The following THOP1 variants were observed in gnomAD, a reference collection of about 807,000 sequenced individuals.
THOP1 encodes the protein thimet oligopeptidase 1, also known as thimet oligopeptidase.
A neutral mutation model predicts 71.8 loss-of-function variants in THOP1; 49 were observed. The observed-to-expected ratio is 0.68, with a 90% confidence interval of 0.54 to 0.87. The LOEUF is 0.87. Among genes scored for constraint, THOP1 ranks in the 40% least tolerant of loss-of-function variants. The pLI, the probability that THOP1 is intolerant of heterozygous loss-of-function variation, is 0.00. For missense variants in THOP1, 843 were observed against 975.6 expected, an observed-to-expected ratio of 0.86 and a Z score of 1.81; for synonymous variants, 426 against 421.5, an observed-to-expected ratio of 1.01 and a Z score of -0.13.
In THOP1 at chr19:2,813,518, C is replaced by T. The variant is rs1335573184; in HGVS notation, c.*242C>T. ...CAGGGCCTGGTCTTTGTTGCACTAA[C>T]ACGTCTCCTCTCTGGGAAACGTCCC... On this transcript the variant is annotated 3_prime_UTR_variant, in exon 13 of 13. Transcript: ENST00000307741. The T allele has an allele frequency of 8.2e-6, 4 of 487,492 alleles. No individual in the cohort carries two copies. In the South Asian group the frequency reaches 1.6e-4, roughly 20 times the overall value. 30.2% of individuals were successfully genotyped at this position (487,492 alleles called of 1,614,324 possible). A position where few individuals can be genotyped will look rare whatever the true frequency, so the allele number is the denominator to read the frequency against.
chr19:2,808,694 G>A (rs373473698), intron 9 of THOP1, among the ~76,000 whole-genome samples: 3 of 152,216 alleles, frequency 2.0e-5, no homozygotes, highest in South Asian at 2.1e-4. Context: ...GGCTGGAGTC[G>A]GAGGTCACAG....
At chr19:2,807,140 C>T (rs1916313438) in intron 7 of THOP1, 88 bp downstream of exon 7, 1 of 1,446,624 alleles carries the variant, frequency 6.9e-7, no homozygotes, top group Non-Finnish European at 9.2e-7. Context: ...CCCCTAGAGC[C>T]TTGTCCTTTC....
At position 2,794,987 on chromosome 19, in the gene THOP1, C is replaced by A; in HGVS notation, c.378+75C>A. On this transcript the variant is annotated intron_variant, in intron 3 of 12. Transcript: ENST00000307741. ...TACAGGCGCCCGCCACCACACCCGGCTAATTTTTGTATTTTTAGTAGAGAC... is the reference window on the plus strand; with the variant it reads ...TACAGGCGCCCGCCACCACACCCGGATAATTTTTGTATTTTTAGTAGAGAC... 9 of 1,540,938 alleles carry A rather than the reference C, an allele frequency of 5.8e-6. No homozygotes were observed. The South Asian group carries it at 8.0e-5, about 14-fold the overall frequency.
intron 5 of THOP1, among the ~76,000 whole-genome samples, chr19:2,800,237 G>A (rs769630072): frequency 6.6e-5 from 10 of 152,180 alleles, no homozygotes; most frequent in Non-Finnish European, 1.3e-4. Flanking sequence ...CCAGGCTGGA[G>A]TGCAGTGGTG....
intron 12 of THOP1, chr19:2,812,369 G>A (rs955568657): frequency 6.6e-7 from 1 of 1,517,892 alleles, no homozygotes; most frequent in Admixed American, 2.0e-5. Flanking sequence ...TGGGCAGCCT[G>A]CAGGTACCTC....
chr19:2,796,692 C>T (rs940251064), intron 4 of THOP1, among the ~76,000 whole-genome samples: 7 of 151,804 alleles, frequency 4.6e-5, no homozygotes, highest in African/African-American at 9.7e-5. Flanking sequence ...GAGTGCTGGG[C>T]GTGGCCAGTG....
chr19:2,799,884 G>A (rs924971721), intron 5 of THOP1, 93 bp downstream of exon 5: 4 of 1,200,170 alleles, frequency 3.3e-6, no homozygotes, highest in Admixed American at 1.9e-5. Context: ...TCCTCCTGTG[G>A]GCTTCTGTGC....
At position 2,805,827 on chromosome 19, in the gene THOP1, G is replaced by A. The variant is rs1012172016; in HGVS notation, c.750+651G>A. 2.0e-5 allele frequency among the ~76,000 whole-genome samples: 3 copies of A among 150,954 alleles called. No individual in the cohort carries two copies. Among genetic ancestry groups the A allele is most frequent in the Non-Finnish European group, 4.4e-5 (3 of 67,692 alleles). On this transcript the variant is annotated intron_variant, in intron 6 of 12. Transcript: ENST00000307741. This position sits in a 1 kb window ranked among gnomAD's most constrained non-coding sequence, Gnocchi z 6.6. ...CGGGCACTGATCACTGCAAGGGGAC[G>A]GGCGGGTGCCCATCACTGCGGGGGG...
At position 2,794,730 on chromosome 19, in the gene THOP1, C is replaced by G. The variant is rs780675741; in HGVS notation, c.230-34C>G. ...CCTGCCAGTTGTACTGGGGCCTGTT[C>G]TCACACCTGTCTCCCTGGTCTCCCC... is the stretch of plus-strand genomic sequence containing the variant. On this transcript the variant is annotated intron_variant, in intron 2 of 12. Transcript: ENST00000307741. 35 of 1,594,868 alleles carry G rather than the reference C, an allele frequency of 2.2e-5. 1 individual carries two copies. The highest frequency in any genetic ancestry group is 2.7e-5 in the Non-Finnish European group (32 of 1,164,682).
In THOP1 at chr19:2,812,111, G is replaced by A. The variant is rs867403135; in HGVS notation, c.1908+377G>A. 65 of 1,391,118 alleles carry A rather than the reference G, an allele frequency of 4.7e-5. 1 individual carries two copies. The Middle Eastern group carries it at 4.0e-3, about 86-fold the overall frequency. The allele number at this position is 1,391,118 out of a possible 1,614,324, so 86.2% of individuals were successfully genotyped here. On this transcript the variant is annotated intron_variant, in intron 12 of 12. Coordinates refer to ENST00000307741, the MANE Select transcript of THOP1 (RefSeq NM_003249.5). The stretch of plus-strand genomic sequence containing the variant: ...CCATACGAGTCCTTCCGGGATCTGC[G>A]TGATCGGCCTCAGAGCCATGGGCTG...
At chr19:2,802,839 GA>G (rs1260697158) in intron 5 of THOP1, among the ~76,000 whole-genome samples, 4 of 152,240 alleles carry the variant, frequency 2.6e-5, no homozygotes, top group Non-Finnish European at 4.4e-5. Context: ...CCGTGTGCAT[GA>G]GGCTTCTGTC....
In THOP1 at chr19:2,790,541, G is replaced by C; in HGVS notation, c.137G>C (p.Arg46Pro). ...RTRELIEQTK[R>P]VYDQVGTQEF... ...AGGGAGCTCATCGAGCAGACCAAGCGCGTGTATGACCAGGTTGGCACCCAG... is the reference window on the plus strand; with the variant it reads ...AGGGAGCTCATCGAGCAGACCAAGCCCGTGTATGACCAGGTTGGCACCCAG... The change falls in exon 2 of 13, where the codon CGC becomes CCC. Residue 46 changes from arginine to proline, a missense_variant. Coordinates refer to ENST00000307741, the MANE Select transcript of THOP1 (RefSeq NM_003249.5). The C allele has an allele frequency of 5.6e-6, 9 of 1,608,448 alleles. No individual in the cohort carries two copies. Among genetic ancestry groups the C allele is most frequent in the Non-Finnish European group, 7.6e-6 (9 of 1,177,640 alleles).
Position 2,810,640 on chromosome 19 carries a change from G to A in THOP1, c.1643G>A (p.Gly548Asp), listed in dbSNP as rs1394722642. ...AGCTCTCTCCTTCCCTCCCGCCCAG[G>A]CCTCTTCAACCTGCGCCAGATCGTC... ...KLIESRQANTGLFNLRQIVLA... is the reference protein window; with the variant it reads ...KLIESRQANTDLFNLRQIVLA... The change falls in exon 11 of 13, where the codon GGC becomes GAC. Residue 548 changes from glycine (G) to aspartate (D), a missense_variant and splice_region_variant. Transcript: ENST00000307741. The A allele has an allele frequency of 1.9e-6, 3 of 1,551,850 alleles. No individual in the cohort carries two copies. In the African/African-American group the frequency reaches 4.1e-5, roughly 21 times the overall value.
Position 2,796,293 on chromosome 19 carries a change from G to A in THOP1, c.486+105G>A, listed in dbSNP as rs186117888. On this transcript the variant is annotated intron_variant, in intron 4 of 12. Coordinates refer to ENST00000307741, the MANE Select transcript of THOP1 (RefSeq NM_003249.5). ...CCAGGGAGTGGTGGGAGCAAGAAGC[G>A]CAGGGCAGGGGGAGTGCTGGGCTCG... The A allele has an allele frequency of 1.2e-4, 107 of 893,656 alleles. No homozygotes were observed. The East Asian group carries it at 2.6e-3, about 22-fold the overall frequency. The allele number at this position is 893,656 out of a possible 1,614,324, so 55.4% of individuals were successfully genotyped here.
chr19:2,803,730 C>T (rs1330312896), intron 5 of THOP1, among the ~76,000 whole-genome samples: 3 of 152,202 alleles, frequency 2.0e-5, no homozygotes, highest in African/African-American at 4.8e-5. Context: ...GCCAGGCCCA[C>T]GCTGGTGCTG....
At chr19:2,812,512 A>G (rs1916503727) in intron 12 of THOP1, 1 of 1,050,344 alleles carries the variant, frequency 9.5e-7, no homozygotes, top group Admixed American at 3.4e-5. Flanking sequence ...GGCAGCCTCC[A>G]GCAGCTCCCC....
intron 12 of THOP1, 22 bp from the exon 13 acceptor site, chr19:2,813,093 C>T (rs1201872177): frequency 1.3e-5 from 20 of 1,595,050 alleles, no homozygotes; most frequent in Non-Finnish European, 1.7e-5. Context: ...CACCCGGCCA[C>T]AGTGCCCTGT....
In THOP1 at chr19:2,785,617, A is replaced by G; in HGVS notation, c.-46A>G. ...CAGTGGCCGAGGTGGCTGGACGCGT[A>G]GCAGGTGGAAGGAGGGAGGGAGCCG... On this transcript the variant is annotated 5_prime_UTR_variant, in exon 1 of 13. Coordinates refer to ENST00000307741, the MANE Select transcript of THOP1 (RefSeq NM_003249.5). 6.7e-7 allele frequency: 1 copy of G among 1,502,432 alleles called. No homozygotes were observed. Among genetic ancestry groups the G allele is most frequent in the Non-Finnish European group, 8.9e-7 (1 of 1,127,196 alleles). The allele number at this position is 1,502,432 out of a possible 1,614,324, so 93.1% of individuals were successfully genotyped here.
Position 2,810,442 on chromosome 19 carries a change from C to T in THOP1, c.1594C>T (p.Pro532Ser), listed in dbSNP as rs1158354352. The change falls in exon 10 of 13, where the codon CCC becomes TCC. Residue 532 changes from proline to serine, a missense_variant. By Grantham distance (74) the Pro-to-Ser change is moderately conservative (BLOSUM62 -1). Coordinates refer to ENST00000307741, the MANE Select transcript of THOP1 (RefSeq NM_003249.5). Reference sequence around the variant, plus strand: ...GCACTACCGCACAGGCAGCGCCGTGCCCCGGGAGCTCCTGGAGAAGCTCAT... The same window carrying T: ...GCACTACCGCACAGGCAGCGCCGTGTCCCGGGAGCTCCTGGAGAAGCTCAT... ...SRHYRTGSAVPRELLEKLIES... is the reference protein window; with the variant it reads ...SRHYRTGSAVSRELLEKLIES... 5 of 1,589,950 alleles carry T rather than the reference C, an allele frequency of 3.1e-6. No homozygotes were observed. Among genetic ancestry groups the T allele is most frequent in the Middle Eastern group, 4.3e-4 (2 of 4,638 alleles).
Sources: gnomAD v4.1 joint callset for allele counts (sites outside exome capture counted in the v4.1 genomes callset) on GRCh38, gnomAD v4.1.1 for gene constraint, Gnocchi (gnomAD v3.1) non-coding constraint, MANE v1.5 for transcripts, NCBI Gene and HGNC (gene_info 2026-07-23, HGNC 2026-07-21) for gene names.